Variants in MAGI2 observed in about 807,000 individuals in gnomAD.
MAGI2 encodes membrane-associated guanylate kinase, WW and PDZ domain-containing protein 2.
A neutral mutation model predicts 133.3 loss-of-function variants in MAGI2; 35 were observed. That is an observed-to-expected ratio of 0.26 (90% confidence interval 0.20 to 0.35). The LOEUF (loss-of-function observed/expected upper bound fraction) is 0.35. Ranked by LOEUF, MAGI2 falls within the 10% of genes least tolerant of loss-of-function variation. The pLI is 1.00. For synonymous variants in MAGI2, 729 were observed against 710.6 expected (o/e 1.03, Z -0.41); for missense variants, 1,636 against 1,863.4 (o/e 0.88, Z 2.25).
At position 78,503,275 on chromosome 7, in the gene MAGI2, T is replaced by G. The variant is rs901258214; in HGVS notation, c.755-1488A>C. 4.6e-5 allele frequency among the ~76,000 whole-genome samples: 7 copies of G among 152,152 alleles called. No individual in the cohort carries two copies. The East Asian group carries it at 7.7e-4, about 17-fold the overall frequency. ...CAAGTATCTTATCTGAGGGCAAAAT[T>G]TGAAAAATTACTCTAACCATATCAT... On this transcript the variant is annotated intron_variant, in intron 4 of 21. Coordinates refer to ENST00000354212, the MANE Select transcript of MAGI2 (RefSeq NM_012301.4).
intron 2 of MAGI2, among the ~76,000 whole-genome samples, chr7:78,737,555 G>C (rs976544982): frequency 2.6e-5 from 4 of 152,040 alleles, no homozygotes; most frequent in African/African-American, 9.7e-5. Flanking sequence ...ATCTGTGTCA[G>C]GCAGATTTTC....
At chr7:79,187,334 G>C (rs774577994) in intron 1 of MAGI2, among the ~76,000 whole-genome samples, 1 of 151,632 alleles carries the variant, frequency 6.6e-6, no homozygotes, top group Non-Finnish European at 1.5e-5. Flanking sequence ...TCAGTTGATG[G>C]TGATTTCTAC....
intron 1 of MAGI2, among the ~76,000 whole-genome samples, chr7:79,153,440 A>G (rs887487216): frequency 6.6e-6 from 1 of 152,192 alleles, no homozygotes; most frequent in Non-Finnish European, 1.5e-5. Flanking sequence ...AAGTGCTTTG[A>G]AGGCAAACCT....
intron 2 of MAGI2, among the ~76,000 whole-genome samples, chr7:78,769,947 G>A (rs538242755): frequency 2.6e-5 from 4 of 152,142 alleles, no homozygotes; most frequent in African/African-American, 9.6e-5. Flanking sequence ...AAAAAAAAGA[G>A]GAAGAGAAAA....
At chr7:78,029,109 G>A (rs1584880811) in intron 21 of MAGI2, among the ~76,000 whole-genome samples, 1 of 152,188 alleles carries the variant, frequency 6.6e-6, no homozygotes. Context: ...CCTGGACAGT[G>A]CACTGTAGTA....
intron 1 of MAGI2, among the ~76,000 whole-genome samples, chr7:79,156,783 A>T (rs1823819966): frequency 6.6e-6 from 1 of 152,154 alleles, no homozygotes; most frequent in African/African-American, 2.4e-5. Context: ...TATTTGGCTC[A>T]GAATAAATAT....
At chr7:78,786,126 T>A (rs1304025888) in intron 2 of MAGI2, among the ~76,000 whole-genome samples, 1 of 151,936 alleles carries the variant, frequency 6.6e-6, no homozygotes, top group East Asian at 1.9e-4. Context: ...GAGCTCCATG[T>A]TTCTAGTGCT....
At chr7:79,100,903 T>C (rs1340439849) in intron 1 of MAGI2, among the ~76,000 whole-genome samples, 1 of 151,976 alleles carries the variant, frequency 6.6e-6, no homozygotes, top group Non-Finnish European at 1.5e-5. Flanking sequence ...GATTATCCAG[T>C]TGTTTCAGTA....
chr7:78,591,534 C>T (rs1456341870), intron 3 of MAGI2, among the ~76,000 whole-genome samples: 2 of 152,216 alleles, frequency 1.3e-5, no homozygotes, highest in African/African-American at 4.8e-5. Flanking sequence ...ATATATGATG[C>T]CAATGGCGGA....
intron 3 of MAGI2, among the ~76,000 whole-genome samples, chr7:78,560,470 C>T (rs139405593): frequency 2.2e-4 from 34 of 152,078 alleles, no homozygotes; most frequent in African/African-American, 4.8e-4. Context: ...TGTGGCAAAA[C>T]GTAATCATTG....
intron 3 of MAGI2, among the ~76,000 whole-genome samples, chr7:78,620,520 A>G (rs1357597197): frequency 6.6e-6 from 1 of 151,950 alleles, no homozygotes; most frequent in African/African-American, 2.4e-5. Context: ...GCACTCCTTC[A>G]TGTAGTTATG....
intron 21 of MAGI2, among the ~76,000 whole-genome samples, chr7:78,037,025 C>G (rs958053260): frequency 6.7e-6 from 1 of 149,368 alleles, no homozygotes; most frequent in Non-Finnish European, 1.5e-5. Context: ...GAGCAATAGC[C>G]CTAGAGAAGG....
chr7:79,383,884 T>C (rs1843989450), intron 1 of MAGI2, among the ~76,000 whole-genome samples: 1 of 151,510 alleles, frequency 6.6e-6, no homozygotes, highest in African/African-American at 2.4e-5. Context: ...AGGATTTCCA[T>C]TAATGATAAG....
intron 9 of MAGI2, chr7:78,285,892 T>G (rs1020993906): frequency 1.3e-5 from 2 of 152,182 alleles, no homozygotes; most frequent in East Asian, 3.9e-4. Context: ...GGGCAGCTTT[T>G]AAAAACTTCT....
At chr7:79,230,194 T>G (rs1361812962) in intron 1 of MAGI2, among the ~76,000 whole-genome samples, 2 of 150,454 alleles carry the variant, frequency 1.3e-5, no homozygotes, top group Non-Finnish European at 3.0e-5. Context: ...TCTATCATTG[T>G]TGGACATTTG....
intron 1 of MAGI2, among the ~76,000 whole-genome samples, chr7:79,241,766 T>G (rs115488844): frequency 0.011 from 1,602 of 152,242 alleles, 30 homozygotes; most frequent in African/African-American, 0.037. Context: ...ATAGATAACA[T>G]CATATTGTAG....
intron 2 of MAGI2, among the ~76,000 whole-genome samples, chr7:78,681,375 T>C (rs1815639470): frequency 6.6e-6 from 1 of 152,194 alleles, no homozygotes; most frequent in Non-Finnish European, 1.5e-5. Context: ...CATAAAGAAA[T>C]AATTTATAAT....
intron 4 of MAGI2, among the ~76,000 whole-genome samples, chr7:78,512,111 A>G (rs2150560241): frequency 6.6e-6 from 1 of 150,746 alleles, no homozygotes; most frequent in Non-Finnish European, 1.5e-5. Context: ...TGATGGAGCG[A>G]GACTTCGTCT....
chr7:78,625,986 T>C (rs1361255889), intron 3 of MAGI2, among the ~76,000 whole-genome samples: 2 of 152,136 alleles, frequency 1.3e-5, no homozygotes, highest in African/African-American at 4.8e-5. Context: ...TTCTCAGAAG[T>C]ATCCCTTTCA....
Sources: allele counts gnomAD v4.1 joint callset (sites outside exome capture counted in the v4.1 genomes callset), GRCh38; gene constraint gnomAD v4.1.1; transcripts MANE v1.5; gene names NCBI Gene and HGNC (gene_info 2026-07-23, HGNC 2026-07-21).